The following CAMK2D variants were observed in gnomAD, a reference collection of about 807,000 sequenced individuals.
CAMK2D encodes the protein calcium/calmodulin dependent protein kinase II delta.
In CAMK2D, 37 loss-of-function variants were observed where a neutral mutation model predicts 84.0. The ratio of observed to expected loss-of-function variants is 0.44; its 90% CI spans 0.34 to 0.58. CAMK2D has a LOEUF of 0.58. Ranked by LOEUF, CAMK2D falls within the 20% of genes least tolerant of loss-of-function variation. The pLI is 0.02. For synonymous variants in CAMK2D, 202 were observed against 212.5 expected (o/e 0.95, Z 0.43); for missense variants, 448 against 652.5 (o/e 0.69, Z 3.41).
chr4:113,451,893 T>C lies in CAMK2D; in HGVS notation c.*2652A>G, dbSNP rs1198339635. The C allele has an allele frequency of 2.2e-4, 34 of 152,142 alleles. No individual in the cohort carries two copies. Among genetic ancestry groups the C allele is most frequent in the Admixed American group, 2.1e-3 (32 of 15,264 alleles). 9.4% of individuals were successfully genotyped at this position (152,142 alleles called of 1,614,324 possible). On this transcript the variant is annotated 3_prime_UTR_variant, in exon 21 of 21. Coordinates refer to ENST00000511664, the MANE Select transcript of CAMK2D (RefSeq NM_001321571.2). Reference sequence around the variant, plus strand: ...GAGCATGATGCTGTACACTGAATCTTAGGAAAAAGTAAGAAGTCGGGAAAA... The same window carrying C: ...GAGCATGATGCTGTACACTGAATCTCAGGAAAAAGTAAGAAGTCGGGAAAA...
At chr4:113,501,834 A>C (rs2098051546) in intron 15 of CAMK2D, among the ~76,000 whole-genome samples, 1 of 152,094 alleles carries the variant, frequency 6.6e-6, no homozygotes, top group South Asian at 2.1e-4. Flanking sequence ...AATGCTATTA[A>C]AAAAATTGTT....
chr4:113,653,978 T>C (rs1254661572), intron 3 of CAMK2D, among the ~76,000 whole-genome samples: 1 of 151,970 alleles, frequency 6.6e-6, no homozygotes, highest in Non-Finnish European at 1.5e-5. Flanking sequence ...AGGAATGGTA[T>C]TTGAGCGAAA....
At position 113,761,229 on chromosome 4, in the gene CAMK2D, G is replaced by C. The variant is rs2099640812; in HGVS notation, c.-161C>G. ...CGCGAGGGAGTGTGCGCAGGGGCGG[G>C]GCGGGAGGGGAGATGACCAGAAAGG... On this transcript the variant is annotated 5_prime_UTR_variant, in exon 1 of 21. Transcript: ENST00000511664. The C allele has an allele frequency of 2.7e-6, 4 of 1,489,366 alleles. No homozygotes were observed. The African/African-American group carries it at 5.6e-5, about 21-fold the overall frequency. The allele number at this position is 1,489,366 out of a possible 1,614,324, so 92.3% of individuals were successfully genotyped here.
At chr4:113,714,865 C>T (rs2099508819) in intron 2 of CAMK2D, among the ~76,000 whole-genome samples, 1 of 151,982 alleles carries the variant, frequency 6.6e-6, no homozygotes, top group Non-Finnish European at 1.5e-5. Flanking sequence ...AGCTGGAGAC[C>T]ACAGGGGGTT....
At chr4:113,610,903 T>C (rs1157637508) in intron 3 of CAMK2D, among the ~76,000 whole-genome samples, 1 of 152,144 alleles carries the variant, frequency 6.6e-6, no homozygotes. Context: ...ACAGGAACCA[T>C]ATTTTATAAG....
chr4:113,616,832 A>G (rs760874849), intron 3 of CAMK2D, among the ~76,000 whole-genome samples: 2 of 152,228 alleles, frequency 1.3e-5, no homozygotes, highest in Non-Finnish European at 2.9e-5. Flanking sequence ...TAGATTTAGT[A>G]ATATCTGGAA....
At chr4:113,691,446 T>C (rs1043690320) in intron 2 of CAMK2D, among the ~76,000 whole-genome samples, 7 of 152,110 alleles carry the variant, frequency 4.6e-5, no homozygotes, top group African/African-American at 1.7e-4. Context: ...TACTGATATA[T>C]CTAAATCTAA....
At chr4:113,482,083 C>A (rs767534725) in intron 16 of CAMK2D, among the ~76,000 whole-genome samples, 4 of 152,134 alleles carry the variant, frequency 2.6e-5, no homozygotes, top group Non-Finnish European at 2.9e-5. Context: ...TCTTTGGCAG[C>A]CACTGGAGAA....
At position 113,715,272 on chromosome 4, in the gene CAMK2D, G is replaced by T. The variant is rs563552859; in HGVS notation, c.160+44048C>A. Among the ~76,000 whole-genome samples, 469 of 152,068 alleles carry T rather than the reference G, an allele frequency of 3.1e-3. 1 individual carries two copies. Among genetic ancestry groups the T allele is most frequent in the African/African-American group, 0.01 (436 of 41,528 alleles). On this transcript the variant is annotated intron_variant, in intron 2 of 20. Coordinates refer to ENST00000511664, the MANE Select transcript of CAMK2D (RefSeq NM_001321571.2). ...GGACCTCTGCAAATATTGAGAATTTGTTTCTTCTTTTCCAGTATGAAACCT... is the reference window on the plus strand; with the variant it reads ...GGACCTCTGCAAATATTGAGAATTTTTTTCTTCTTTTCCAGTATGAAACCT...
At chr4:113,629,812 G>A (rs1414911547) in intron 3 of CAMK2D, among the ~76,000 whole-genome samples, 1 of 79,988 alleles carries the variant, frequency 1.3e-5, no homozygotes, top group Non-Finnish European at 2.1e-5. Context: ...TAGAAAGGGA[G>A]GAAAAACAAA....
At chr4:113,678,032 A>G (rs2099326026) in intron 2 of CAMK2D, among the ~76,000 whole-genome samples, 2 of 152,212 alleles carry the variant, frequency 1.3e-5, no homozygotes, top group South Asian at 4.1e-4. Flanking sequence ...TCAAATAACT[A>G]GAATATTTTA....
At chr4:113,642,183 A>G (rs924412034) in intron 3 of CAMK2D, among the ~76,000 whole-genome samples, 4 of 152,116 alleles carry the variant, frequency 2.6e-5, no homozygotes, top group Admixed American at 2.6e-4. Flanking sequence ...CTTCAGAACC[A>G]CCCTCTAAAA....
intron 2 of CAMK2D, among the ~76,000 whole-genome samples, chr4:113,732,863 T>C (rs2099572480): frequency 1.3e-5 from 2 of 152,188 alleles, no homozygotes; most frequent in Non-Finnish European, 2.9e-5. Context: ...AATATATATA[T>C]ATTAGGAATA....
At chr4:113,511,473 G>A (rs2098213963) in intron 12 of CAMK2D, among the ~76,000 whole-genome samples, 1 of 152,092 alleles carries the variant, frequency 6.6e-6, no homozygotes, top group Admixed American at 6.6e-5. Context: ...GCCCAAGAGT[G>A]TATTTAACAC....
chr4:113,485,355 C>T (rs2097756100), intron 16 of CAMK2D, among the ~76,000 whole-genome samples: 1 of 152,164 alleles, frequency 6.6e-6, no homozygotes, highest in South Asian at 2.1e-4. Flanking sequence ...GGGCTTGGCA[C>T]TCAATAGTCC....
At chr4:113,717,241 T>C (rs2099516354) in intron 2 of CAMK2D, among the ~76,000 whole-genome samples, 1 of 152,172 alleles carries the variant, frequency 6.6e-6, no homozygotes, top group African/African-American at 2.4e-5. Context: ...TTCTCTTATC[T>C]TTTCTATTCA....
intron 2 of CAMK2D, among the ~76,000 whole-genome samples, chr4:113,665,318 A>G (rs958890747): frequency 2.6e-5 from 4 of 152,244 alleles, no homozygotes; most frequent in Admixed American, 6.5e-5. Context: ...ATGAAAATGC[A>G]TATCACCTGG....
intron 3 of CAMK2D, among the ~76,000 whole-genome samples, chr4:113,635,054 A>G (rs183526490): frequency 4.5e-4 from 68 of 152,342 alleles, no homozygotes; most frequent in Middle Eastern, 3.4e-3. Flanking sequence ...TTAGCAAGTC[A>G]CTTGGTGTCA....
At chr4:113,459,547 T>C (rs1719224558) in intron 18 of CAMK2D, among the ~76,000 whole-genome samples, 1 of 152,152 alleles carries the variant, frequency 6.6e-6, no homozygotes, top group South Asian at 2.1e-4. Flanking sequence ...TATAGTTTTA[T>C]GAAAATGTGA....
Sources: allele counts gnomAD v4.1 joint callset (sites outside exome capture counted in the v4.1 genomes callset), GRCh38; gene constraint gnomAD v4.1.1; transcripts MANE v1.5; gene names NCBI Gene and HGNC (gene_info 2026-07-23, HGNC 2026-07-21).